CDKL4: variants seen among roughly 807,000 people sequenced by gnomAD.
CDKL4 encodes cyclin dependent kinase like 4, also known as cyclin-dependent kinase-like 4.
CDKL4 carries 44 observed loss-of-function variants against 42.0 expected under a neutral mutation model. The observed-to-expected ratio is 1.05, with a 90% CI of 0.82 to 1.35. The LOEUF is 1.35. Among genes scored for constraint, CDKL4 ranks in the 40% most tolerant of loss-of-function variants. The pLI is 0.00. For missense variants in CDKL4, 393 were observed against 369.9 expected (o/e 1.06, Z -0.51); for synonymous variants, 120 against 121.6 (o/e 0.99, Z 0.09).
At chr2:39,184,512 C>T in intron 8 of CDKL4, 79 bp downstream of exon 8, 1 of 948,034 alleles carries the variant, frequency 1.1e-6, no homozygotes, top group Non-Finnish European at 1.6e-6. Context: ...ATTTAATCCA[C>T]TGTCCACCCC....
intron 3 of CDKL4, among the ~76,000 whole-genome samples, chr2:39,223,402 A>G (rs1678493679): frequency 6.6e-6 from 1 of 152,104 alleles, no homozygotes; most frequent in African/African-American, 2.4e-5. Flanking sequence ...CACTCTCTCT[A>G]GCCATCAATG....
intron 9 of CDKL4, among the ~76,000 whole-genome samples, chr2:39,177,980 C>T (rs931765059): frequency 7.9e-5 from 12 of 152,230 alleles, no homozygotes; most frequent in African/African-American, 1.4e-4. Context: ...TGAGCCACCG[C>T]GCCAGCTGAG....
intron 7 of CDKL4, among the ~76,000 whole-genome samples, 195 bp downstream of exon 7, chr2:39,187,432 G>A (rs528359269): frequency 6.6e-6 from 1 of 152,006 alleles, no homozygotes; most frequent in African/African-American, 2.4e-5. Context: ...AGTAATTCCA[G>A]CATTGGGGAG....
At chr2:39,237,815 G>T (rs1331966820) in intron 1 of CDKL4, among the ~76,000 whole-genome samples, 1 of 152,126 alleles carries the variant, frequency 6.6e-6, no homozygotes, top group African/African-American at 2.4e-5. Flanking sequence ...AAATCGTAAT[G>T]AATCTATAAA....
At chr2:39,233,122 C>T (rs536833856) in intron 1 of CDKL4, among the ~76,000 whole-genome samples, 2 of 150,278 alleles carry the variant, frequency 1.3e-5, no homozygotes, top group African/African-American at 2.4e-5. Flanking sequence ...ATCTCTTGAG[C>T]TCCCACTGTA....
the CDKL4 span, among the ~76,000 whole-genome samples, chr2:39,170,402 G>T: frequency 6.6e-6 from 1 of 151,882 alleles, no homozygotes; most frequent in Non-Finnish European, 1.5e-5. Context: ...CTAAAAATCT[G>T]TATCTTTGTG....
intron 8 of CDKL4, among the ~76,000 whole-genome samples, chr2:39,180,361 T>C (rs1175649084): frequency 1.3e-5 from 2 of 152,242 alleles, no homozygotes; most frequent in Non-Finnish European, 2.9e-5. Context: ...GACAATTGCG[T>C]TGCCTGAGGC....
chr2:39,219,205 C>A (rs1240710906), intron 3 of CDKL4, among the ~76,000 whole-genome samples: 2 of 152,190 alleles, frequency 1.3e-5, no homozygotes, highest in Non-Finnish European at 2.9e-5. Context: ...ATCTCTTTCT[C>A]TCTGAACTAG....
downstream of CDKL4, among the ~76,000 whole-genome samples, chr2:39,172,894 T>C (rs1470182954): frequency 1.3e-5 from 2 of 152,208 alleles, no homozygotes; most frequent in Admixed American, 1.3e-4. Context: ...TTTATTTTTC[T>C]TCATGGTAAT....
downstream of CDKL4, among the ~76,000 whole-genome samples, chr2:39,175,203 G>A (rs111752333): frequency 5.9e-5 from 9 of 152,298 alleles, no homozygotes; most frequent in African/African-American, 2.2e-4. Flanking sequence ...CTATCCATGA[G>A]CTATTCAGAC....
At chr2:39,224,325 AG>A (rs1056206510) in intron 3 of CDKL4, among the ~76,000 whole-genome samples, 1 of 152,146 alleles carries the variant, frequency 6.6e-6, no homozygotes, top group African/African-American at 2.4e-5. Context: ...GATAAACTGT[AG>A]AGGCAATATT....
the CDKL4 span, among the ~76,000 whole-genome samples, chr2:39,168,609 T>C: frequency 6.6e-6 from 1 of 151,556 alleles, no homozygotes; most frequent in African/African-American, 2.4e-5. Flanking sequence ...GTGGCTCATA[T>C]CTGTAATCTC....
intron 8 of CDKL4, among the ~76,000 whole-genome samples, chr2:39,179,969 G>A (rs983508833): frequency 6.6e-6 from 1 of 152,126 alleles, no homozygotes; most frequent in Non-Finnish European, 1.5e-5. Flanking sequence ...CCTCTAGGTC[G>A]GCTTCTGAGA....
At chr2:39,178,301 T>A (rs966872879) in intron 9 of CDKL4, among the ~76,000 whole-genome samples, 2 of 152,172 alleles carry the variant, frequency 1.3e-5, no homozygotes, top group Non-Finnish European at 2.9e-5. Context: ...ACGGAAAACA[T>A]GCTAATGAGA....
chr2:39,220,567 C>A (rs932424156), intron 3 of CDKL4, among the ~76,000 whole-genome samples: 1 of 151,858 alleles, frequency 6.6e-6, no homozygotes, highest in Non-Finnish European at 1.5e-5. Flanking sequence ...AATATGGGCA[C>A]AACTTATTCG....
At chr2:39,169,898 A>G in the CDKL4 span, among the ~76,000 whole-genome samples, 2 of 152,148 alleles carry the variant, frequency 1.3e-5, no homozygotes, top group Admixed American at 6.6e-5. Flanking sequence ...TCCTGGCTCA[A>G]GTAAACCCGT....
intron 3 of CDKL4, among the ~76,000 whole-genome samples, chr2:39,223,986 G>C (rs943152361): frequency 3.3e-5 from 5 of 152,282 alleles, no homozygotes; most frequent in African/African-American, 9.6e-5. Flanking sequence ...CAATGCTGTA[G>C]ACTTAGCACT....
At chr2:39,207,564 C>T (rs143144578) in intron 4 of CDKL4, among the ~76,000 whole-genome samples, 188 of 152,278 alleles carry the variant, frequency 1.2e-3, no homozygotes, top group Non-Finnish European at 2.1e-3. Context: ...AATTTCTAGA[C>T]TATATGTGTA....
intron 3 of CDKL4, among the ~76,000 whole-genome samples, chr2:39,221,029 T>A (rs1429775535): frequency 6.9e-6 from 1 of 144,664 alleles, no homozygotes; most frequent in East Asian, 2.0e-4. Context: ...TTTTTGTTTT[T>A]TGAGACAGAG....
Sources: gnomAD v4.1 joint callset for allele counts (sites outside exome capture counted in the v4.1 genomes callset) on GRCh38, gnomAD v4.1.1 for gene constraint, MANE v1.5 for transcripts, NCBI Gene and HGNC (gene_info 2026-07-23, HGNC 2026-07-21) for gene names.